FCF1: variants seen among roughly 807,000 people sequenced by gnomAD.
The protein encoded by FCF1 is rRNA-processing protein FCF1 homolog.
Under a neutral mutation model 32.5 loss-of-function variants are expected in FCF1, and 17 were observed. The ratio of observed to expected loss-of-function variants is 0.52; its 90% CI spans 0.36 to 0.78. FCF1 has a LOEUF of 0.78. FCF1 is among the 30% of genes least tolerant of loss of function. The probability of loss-of-function intolerance (pLI) is 0.00; values close to 1 mark genes in which losing one functional copy is unlikely to be tolerated. For missense variants in FCF1, 201 were observed against 241.1 expected (o/e 0.83, Z 1.10); for synonymous variants, 84 against 78.4 (o/e 1.07, Z -0.38).
chr14:74,730,183 T>C (rs2090616348), intron 5 of FCF1, among the ~76,000 whole-genome samples: 1 of 151,544 alleles, frequency 6.6e-6, no homozygotes, highest in South Asian at 2.1e-4. Flanking sequence ...CAATACTGCA[T>C]TGTTTATAGA....
chr14:74,731,603 C>T (rs1409641017), intron 5 of FCF1, among the ~76,000 whole-genome samples: 1 of 152,202 alleles, frequency 6.6e-6, no homozygotes, highest in Non-Finnish European at 1.5e-5. Flanking sequence ...TCCACAAACA[C>T]TCTGCCCCCA....
chr14:74,734,597 G>A (rs1360822944), intron 7 of FCF1, among the ~76,000 whole-genome samples: 1 of 151,964 alleles, frequency 6.6e-6, no homozygotes, highest in Non-Finnish European at 1.5e-5. Context: ...TTCAGCTTGA[G>A]GAGAGCACAA....
intron 5 of FCF1, among the ~76,000 whole-genome samples, chr14:74,726,296 G>C (rs1482311002): frequency 1.3e-5 from 2 of 151,496 alleles, no homozygotes; most frequent in African/African-American, 2.4e-5. Context: ...AGACCAGCCT[G>C]GGCAACATAG....
rs1388783580 is a variant in FCF1, at chr14:74,714,898, A to G, written c.98A>G (p.Lys33Arg). The change falls in exon 3 of 8, where the codon AAA becomes AGA. Residue 33 changes from lysine to arginine, a missense_variant. Around this residue, in one of 3 missense-constraint regions of FCF1, gnomAD observed 76 missense variants for 75.0 expected, o/e 1.01. Coordinates refer to ENST00000341162, the MANE Select transcript of FCF1 (RefSeq NM_015962.5). ...AAAGAAAAGGATAGATTAAAACCTAAAAAGAAAGAAAAGAAGGATCCCAGC... is the reference window on the plus strand; with the variant it reads ...AAAGAAAAGGATAGATTAAAACCTAGAAAGAAAGAAAAGAAGGATCCCAGC... ...RLKEKDRLKP[K>R]KKEKKDPSAL... The G allele has an allele frequency of 6.3e-7, 1 of 1,593,084 alleles. No individual in the cohort carries two copies. The highest frequency in any genetic ancestry group is 1.4e-5 in the African/African-American group (1 of 73,740).
chr14:74,719,508 C>G (rs1566716042), intron 4 of FCF1, among the ~76,000 whole-genome samples: 1 of 152,096 alleles, frequency 6.6e-6, no homozygotes, highest in African/African-American at 2.4e-5. Flanking sequence ...TGCCTGTAAT[C>G]CCAACGCTTT....
intron 5 of FCF1, among the ~76,000 whole-genome samples, chr14:74,730,208 T>G (rs969666131): frequency 3.4e-5 from 4 of 116,520 alleles, no homozygotes; most frequent in African/African-American, 2.1e-4. Context: ...TGTATATGCT[T>G]TTTTTTTTTT....
rs370044149 is a variant in FCF1, at chr14:74,715,095, G to A, written c.143+152G>A. 7 of 751,072 alleles carry A rather than the reference G, an allele frequency of 9.3e-6. 1 individual carries two copies. In the African/African-American group the frequency reaches 1.1e-4, roughly 12 times the overall value. 46.5% of individuals were successfully genotyped at this position (751,072 alleles called of 1,614,324 possible). A position where few individuals can be genotyped will look rare whatever the true frequency, so the allele number is the denominator to read the frequency against. Reference sequence around the variant, plus strand: ...TATCGATGAGCATATATCAATTCTAGTGGTTTGAAGGTTTTGGGATTTTAT... The same window carrying A: ...TATCGATGAGCATATATCAATTCTAATGGTTTGAAGGTTTTGGGATTTTAT... On this transcript the variant is annotated intron_variant, in intron 3 of 7. Coordinates refer to ENST00000341162, the MANE Select transcript of FCF1 (RefSeq NM_015962.5).
At chr14:74,715,077 G>A in intron 3 of FCF1, 134 bp downstream of exon 3, 1 of 871,216 alleles carries the variant, frequency 1.1e-6, no homozygotes. Flanking sequence ...TCATATCGAT[G>A]AGCATATATC....
chr14:74,732,195 A>T (rs547635476), intron 5 of FCF1, among the ~76,000 whole-genome samples: 2 of 152,008 alleles, frequency 1.3e-5, no homozygotes. Context: ...TGTTTATTCA[A>T]CAGTTTAGTG....
chr14:74,720,913 C>CTA (rs1200586089), intron 4 of FCF1, among the ~76,000 whole-genome samples: 1 of 147,038 alleles, frequency 6.8e-6, no homozygotes, highest in Non-Finnish European at 1.5e-5. Flanking sequence ...GGCTGTCACT[C>CTA]TGTCACCCAG....
intron 4 of FCF1, among the ~76,000 whole-genome samples, chr14:74,717,780 T>C (rs2090441303): frequency 6.6e-6 from 1 of 152,214 alleles, no homozygotes. Flanking sequence ...CTTGATGAAT[T>C]GCTTCCTTGA....
intron 7 of FCF1, among the ~76,000 whole-genome samples, chr14:74,734,602 G>A (rs547100576): frequency 6.6e-6 from 1 of 152,126 alleles, no homozygotes; most frequent in Non-Finnish European, 1.5e-5. Flanking sequence ...CTTGAGGAGA[G>A]CACAATGTGG....
intron 3 of FCF1, 83 bp from the exon 4 acceptor site, chr14:74,715,868 C>A: frequency 1.2e-6 from 2 of 1,607,906 alleles, no homozygotes; most frequent in Non-Finnish European, 1.7e-6. Context: ...GCAAACAGTC[C>A]CAAGCAGACT....
At chr14:74,723,159 C>A in intron 4 of FCF1, 113 bp from the exon 5 acceptor site, 2 of 727,896 alleles carry the variant, frequency 2.7e-6, no homozygotes, top group South Asian at 1.5e-5. Flanking sequence ...TGTGCTAATT[C>A]TGCTGTCATT....
intron 4 of FCF1, among the ~76,000 whole-genome samples, chr14:74,718,721 T>G (rs1428576289): frequency 6.6e-6 from 1 of 151,468 alleles, no homozygotes; most frequent in Non-Finnish European, 1.5e-5. Flanking sequence ...TTCCGCCCAC[T>G]TTGGCCTCCC....
In FCF1 at chr14:74,713,150, G is replaced by C; in HGVS notation, c.-48G>C. 1 of 1,614,194 alleles carries C rather than the reference G, an allele frequency of 6.2e-7. No homozygotes were observed. The highest frequency in any genetic ancestry group is 8.5e-7 in the Non-Finnish European group (1 of 1,180,038). ...GAAGCAGTATGTGAATGACGTAGAA[G>C]TATTGCGCCGTTGGTGATTACGGAA... On this transcript the variant is annotated 5_prime_UTR_variant, in exon 1 of 8. Coordinates refer to ENST00000341162, the MANE Select transcript of FCF1 (RefSeq NM_015962.5).
chr14:74,730,229 T>A (rs977054233), intron 5 of FCF1, among the ~76,000 whole-genome samples: 7 of 139,922 alleles, frequency 5.0e-5, no homozygotes, highest in African/African-American at 8.8e-5. Flanking sequence ...TTTTTTTTTT[T>A]AAAGACAGAT....
chr14:74,722,800 G>A (rs1328486225), intron 4 of FCF1, among the ~76,000 whole-genome samples: 1 of 151,398 alleles, frequency 6.6e-6, no homozygotes, highest in Non-Finnish European at 1.5e-5. Context: ...TTAATTAGCT[G>A]GGCATAGTGG....
At chr14:74,734,837 C>G in intron 7 of FCF1, 45 bp from the exon 8 acceptor site, 2,151 of 1,455,624 alleles carry the variant, frequency 1.5e-3, no homozygotes, top group Non-Finnish European at 1.9e-3. Flanking sequence ...TAGATGGGTT[C>G]TCTTCCCATC....
Sources: allele counts gnomAD v4.1 joint callset (sites outside exome capture counted in the v4.1 genomes callset), GRCh38; gene constraint gnomAD v4.1.1; regional missense constraint gnomAD v4.1.1; transcripts MANE v1.5; gene names NCBI Gene and HGNC (gene_info 2026-07-23, HGNC 2026-07-21).